Variants in MLIP observed in about 807,000 individuals in gnomAD.
MLIP encodes the protein muscular LMNA-interacting protein.
MLIP carries 79 observed loss-of-function variants against 84.8 expected under a neutral mutation model. The ratio of observed to expected loss-of-function variants is 0.93; its 90% CI spans 0.78 to 1.12. The LOEUF is 1.12. Ranked by LOEUF, MLIP falls within the 50% of genes most tolerant of loss-of-function variation. The probability of loss-of-function intolerance (pLI) is 0.00; values close to 1 mark genes in which losing one functional copy is unlikely to be tolerated. For synonymous variants in MLIP, 504 were observed against 463.0 expected (o/e 1.09, Z -1.14); for missense variants, 1,257 against 1,160.6 (o/e 1.08, Z -1.21).
intron 1 of MLIP, among the ~76,000 whole-genome samples, chr6:54,079,197 C>G (rs938269830): frequency 6.6e-6 from 1 of 152,118 alleles, no homozygotes; most frequent in Non-Finnish European, 1.5e-5. Context: ...TATTTTCTAT[C>G]AGGTATGACT....
chr6:54,033,377 T>C (rs1581995465), intron 1 of MLIP, among the ~76,000 whole-genome samples: 1 of 151,668 alleles, frequency 6.6e-6, no homozygotes, highest in Non-Finnish European at 1.5e-5. Flanking sequence ...AGTGATTCTC[T>C]TGCCTCAGCC....
intron 11 of MLIP, among the ~76,000 whole-genome samples, chr6:54,226,968 T>C (rs901396475): frequency 9.9e-5 from 15 of 152,228 alleles, no homozygotes; most frequent in African/African-American, 3.4e-4. Flanking sequence ...TGGCCCTGTG[T>C]CCCCACCCAA....
intron 11 of MLIP, among the ~76,000 whole-genome samples, chr6:54,210,826 A>T (rs1170610844): frequency 1.3e-5 from 2 of 151,740 alleles, no homozygotes; most frequent in Non-Finnish European, 2.9e-5. Flanking sequence ...AATTTTCCTT[A>T]TGAGCCTTAA....
At chr6:54,246,897 A>C (rs1782121504) in intron 12 of MLIP, among the ~76,000 whole-genome samples, 1 of 152,058 alleles carries the variant, frequency 6.6e-6, no homozygotes, top group Non-Finnish European at 1.5e-5. Context: ...TATTATGGTT[A>C]TAGTTTCTCT....
intron 1 of MLIP, among the ~76,000 whole-genome samples, chr6:54,095,447 C>A (rs1260070805): frequency 7.9e-5 from 12 of 152,040 alleles, no homozygotes; most frequent in Admixed American, 7.9e-4. Flanking sequence ...GTCTTTCGTG[C>A]TTTTTTTCCC....
intron 1 of MLIP, among the ~76,000 whole-genome samples, chr6:54,049,386 G>C (rs982025236): frequency 1.3e-5 from 2 of 152,152 alleles, no homozygotes; most frequent in Non-Finnish European, 2.9e-5. Flanking sequence ...TGCTGGGTCA[G>C]TGCTCTAGTG....
intron 1 of MLIP, among the ~76,000 whole-genome samples, chr6:54,038,814 G>T (rs1764588004): frequency 6.6e-6 from 1 of 151,684 alleles, no homozygotes; most frequent in Non-Finnish European, 1.5e-5. Context: ...TTCTTATCCA[G>T]CAAACAAATC....
intron 1 of MLIP, among the ~76,000 whole-genome samples, chr6:54,100,491 A>C (rs1224193290): frequency 2.0e-5 from 3 of 152,126 alleles, no homozygotes; most frequent in Non-Finnish European, 4.4e-5. Context: ...GTTGCTTCTT[A>C]ATATCTCACC....
chr6:54,238,574 G>A (rs141541398), intron 12 of MLIP, among the ~76,000 whole-genome samples: 99 of 152,238 alleles, frequency 6.5e-4, no homozygotes, highest in African/African-American at 2.2e-3. Flanking sequence ...GCAAACAAAC[G>A]AGAAACACAT....
chr6:54,145,545 G>C (rs1175088645), intron 4 of MLIP, among the ~76,000 whole-genome samples: 2 of 152,080 alleles, frequency 1.3e-5, no homozygotes, highest in Non-Finnish European at 2.9e-5. Flanking sequence ...GCTAAGGCAG[G>C]AGGAGGCCTT....
At chr6:54,174,410 C>T (rs906210525) in intron 9 of MLIP, among the ~76,000 whole-genome samples, 2 of 151,814 alleles carry the variant, frequency 1.3e-5, no homozygotes, top group African/African-American at 4.8e-5. Context: ...CATAAGCTTT[C>T]TTATTGCCTG....
At chr6:54,034,916 A>AT (rs1482704614) in intron 1 of MLIP, among the ~76,000 whole-genome samples, 6 of 152,034 alleles carry the variant, frequency 3.9e-5, no homozygotes, top group South Asian at 4.1e-4. Flanking sequence ...CAGGTGTGCC[A>AT]TTTTTTATCT....
At chr6:54,090,301 T>C (rs902005281) in intron 1 of MLIP, among the ~76,000 whole-genome samples, 1 of 152,124 alleles carries the variant, frequency 6.6e-6, no homozygotes, top group Non-Finnish European at 1.5e-5. Context: ...AGCTATCTTA[T>C]TAGGATGTCT....
At chr6:54,074,952 A>G (rs1268471896) in intron 1 of MLIP, among the ~76,000 whole-genome samples, 1 of 152,116 alleles carries the variant, frequency 6.6e-6, no homozygotes, top group Non-Finnish European at 1.5e-5. Flanking sequence ...CATTTGCTTG[A>G]GAAAAAAAAT....
At chr6:54,151,952 T>C (rs1285140295) in intron 5 of MLIP, among the ~76,000 whole-genome samples, 1 of 152,158 alleles carries the variant, frequency 6.6e-6, no homozygotes, top group African/African-American at 2.4e-5. Flanking sequence ...GTACACTTTG[T>C]TGGCAGGGAA....
At chr6:54,176,436 G>T (rs919763734) in intron 9 of MLIP, among the ~76,000 whole-genome samples, 1 of 151,828 alleles carries the variant, frequency 6.6e-6, no homozygotes, top group Non-Finnish European at 1.5e-5. Context: ...ATCTGTTCAG[G>T]CATTGGATTT....
At chr6:54,128,718 G>A (rs903751420) in intron 3 of MLIP, among the ~76,000 whole-genome samples, 2 of 152,058 alleles carry the variant, frequency 1.3e-5, no homozygotes, top group Admixed American at 6.6e-5. Flanking sequence ...AATGAGATGG[G>A]CAATTGACTG....
chr6:54,169,500 A>G, intron 8 of MLIP, 28 bp from the exon 9 acceptor site: 3 of 1,522,074 alleles, frequency 2.0e-6, no homozygotes. Context: ...ATTATTTCAG[A>G]TGTATAATTG....
At chr6:54,190,959 C>T (rs1368642493) in intron 10 of MLIP, among the ~76,000 whole-genome samples, 1 of 151,838 alleles carries the variant, frequency 6.6e-6, no homozygotes, top group East Asian at 1.9e-4. Flanking sequence ...CCGAGCCCGG[C>T]TAATTTTTTG....
Sources: gnomAD v4.1 joint callset for allele counts (sites outside exome capture counted in the v4.1 genomes callset) on GRCh38, gnomAD v4.1.1 for gene constraint, MANE v1.5 for transcripts, NCBI Gene and HGNC (gene_info 2026-07-23, HGNC 2026-07-21) for gene names.